KCTD1: variants seen among roughly 807,000 people sequenced by gnomAD.
KCTD1 encodes the protein BTB/POZ domain-containing protein KCTD1.
In KCTD1, 24 loss-of-function variants were observed where a neutral mutation model predicts 66.0. That is an observed-to-expected ratio of 0.36 (90% CI 0.26 to 0.51). KCTD1 has a LOEUF of 0.51. Among genes scored for constraint, KCTD1 ranks in the 20% least tolerant of loss-of-function variants. The pLI is 0.95. For synonymous variants in KCTD1, 511 were observed against 517.2 expected, an observed-to-expected ratio of 0.99 and a Z score of 0.16; for missense variants, 943 against 1,205.2, an observed-to-expected ratio of 0.78 and a Z score of 3.22.
intron 1 of KCTD1, among the ~76,000 whole-genome samples, chr18:26,576,530 A>C (rs1313900734): frequency 6.6e-6 from 1 of 152,224 alleles, no homozygotes; most frequent in Non-Finnish European, 1.5e-5. Context: ...CAAGAGTTAT[A>C]CATGTTCCTA....
At chr18:26,572,442 G>A (rs1437242791) in intron 1 of KCTD1, among the ~76,000 whole-genome samples, 3 of 148,128 alleles carry the variant, frequency 2.0e-5, no homozygotes, top group African/African-American at 5.3e-5. Flanking sequence ...AAAGTGAAAA[G>A]TCACAGGCAT....
chr18:26,582,105 CAA>C (rs34695011), intron 1 of KCTD1, among the ~76,000 whole-genome samples: 4,647 of 134,754 alleles, frequency 0.034, 119 homozygotes, highest in African/African-American at 0.08. Context: ...CTGTCTCTAC[CAA>C]AAAAAAAAAA....
chr18:26,652,195 C>A (rs1281561006), intron 1 of KCTD1, among the ~76,000 whole-genome samples: 1 of 152,144 alleles, frequency 6.6e-6, no homozygotes, highest in East Asian at 1.9e-4. Flanking sequence ...GTTGGACATA[C>A]TCTTATTTTT....
Position 26,608,397 on chromosome 18 carries a change from G to A in KCTD1, c.-16+20750C>T, listed in dbSNP as rs563982244. ...GGTTTTTCAGTTCTTTAGTTCAACC[G>A]ATTCACCTAGAGCTTCATTTGTTAT... On this transcript the variant is annotated intron_variant, in intron 1 of 4. Coordinates refer to the KCTD1 transcript ENST00000317932. Among the ~76,000 whole-genome samples the A allele has an allele frequency of 7.2e-5, 11 of 152,308 alleles. No individual in the cohort carries two copies. In the South Asian group the frequency reaches 1.9e-3, roughly 26 times the overall value.
intron 1 of KCTD1, among the ~76,000 whole-genome samples, chr18:26,600,740 G>C (rs1451886299): frequency 2.0e-5 from 3 of 151,700 alleles, no homozygotes; most frequent in Non-Finnish European, 4.4e-5. Context: ...GCTGCCACCT[G>C]CTTGTCTTTC....
intron 3 of KCTD1, among the ~76,000 whole-genome samples, chr18:26,470,666 C>G (rs151003415): frequency 1.3e-5 from 2 of 152,242 alleles, no homozygotes; most frequent in Non-Finnish European, 2.9e-5. Flanking sequence ...TTCCCACTCT[C>G]GTAGCTGGAA....
At position 26,547,928 on chromosome 18, in the gene KCTD1, C is replaced by T. The variant is rs1408761461; in HGVS notation, c.609G>A (p.Ala203=). Reference sequence around the variant, plus strand: ...AGAAGGAGCGCAGCACGCGGCACAGCGCCCCCTTGTCCATGGTCTCGAAGT... The same window carrying T: ...AGAAGGAGCGCAGCACGCGGCACAGTGCCCCCTTGTCCATGGTCTCGAAGT... The part of the protein sequence containing the change: ...SPDFETMDKG[A]LCRVLRSFYA... Residue 203 remains alanine (A), a synonymous_variant, in exon 1 of 5, where the codon GCG becomes GCA. Transcript: ENST00000580059. 1.3e-6 allele frequency: 2 copies of T among 1,543,618 alleles called. No individual in the cohort carries two copies. The highest frequency in any genetic ancestry group is 1.7e-6 in the Non-Finnish European group (2 of 1,146,808).
intron 1 of KCTD1, among the ~76,000 whole-genome samples, chr18:26,511,923 T>C (rs2144715953): frequency 6.6e-6 from 1 of 152,272 alleles, no homozygotes; most frequent in Non-Finnish European, 1.5e-5. Flanking sequence ...CACAGAGAAT[T>C]GGCACTTTAT....
chr18:26,512,673 A>C (rs1469657839), intron 1 of KCTD1, among the ~76,000 whole-genome samples: 1 of 152,156 alleles, frequency 6.6e-6, no homozygotes, highest in African/African-American at 2.4e-5. Flanking sequence ...TGATGACAAG[A>C]GACTCCATGT....
intron 3 of KCTD1, among the ~76,000 whole-genome samples, chr18:26,461,415 A>G (rs989968935): frequency 6.6e-6 from 1 of 152,210 alleles, no homozygotes; most frequent in Non-Finnish European, 1.5e-5. Context: ...TCCCTGCAGG[A>G]AAGGAGCCCA....
intron 1 of KCTD1, among the ~76,000 whole-genome samples, chr18:26,596,108 T>A (rs1487191381): frequency 6.6e-6 from 1 of 152,150 alleles, no homozygotes; most frequent in Non-Finnish European, 1.5e-5. Context: ...ATGGACTGAA[T>A]GTTTGTATCC....
At chr18:26,472,682 G>A (rs1184451859) in intron 3 of KCTD1, among the ~76,000 whole-genome samples, 1 of 152,166 alleles carries the variant, frequency 6.6e-6, no homozygotes, top group Non-Finnish European at 1.5e-5. Context: ...ACTGGGGAGC[G>A]CCCGACGTTG....
intron 1 of KCTD1, among the ~76,000 whole-genome samples, chr18:26,601,766 T>A (rs1986904899): frequency 6.6e-6 from 1 of 152,258 alleles, no homozygotes; most frequent in Non-Finnish European, 1.5e-5. Flanking sequence ...TTGCTGCAAT[T>A]ATAAATGGAA....
At chr18:26,615,196 C>T (rs967731610) in intron 1 of KCTD1, among the ~76,000 whole-genome samples, 2 of 152,156 alleles carry the variant, frequency 1.3e-5, no homozygotes, top group Non-Finnish European at 2.9e-5. Flanking sequence ...CCCACCCCAT[C>T]CAACTCAGCC....
chr18:26,455,939 G>A (rs769409621), intron 4 of KCTD1, 38 bp from the exon 5 acceptor site: 20 of 1,598,862 alleles, frequency 1.3e-5, no homozygotes, highest in Non-Finnish European at 1.6e-5. Flanking sequence ...TTAGGGGTGA[G>A]GTAAGTCCTA....
At chr18:26,529,679 T>A (rs960572342) in intron 1 of KCTD1, among the ~76,000 whole-genome samples, 1 of 152,242 alleles carries the variant, frequency 6.6e-6, no homozygotes, top group African/African-American at 2.4e-5. Flanking sequence ...GACCACATTC[T>A]TTACATTTAA....
chr18:26,548,248 T>C lies in KCTD1; in HGVS notation c.289A>G (p.Met97Val). Residue 97 changes from methionine to valine, a missense_variant, in exon 1 of 5, where the codon ATG becomes GTG. Coordinates refer to ENST00000580059, the MANE Select transcript of KCTD1 (RefSeq NM_001142730.3). ...AGGGGCTCGTCCCAGTCCAGCCCCATCTCCTCCTCTTCCTCCTCCTCCTCG... is the reference window on the plus strand; with the variant it reads ...AGGGGCTCGTCCCAGTCCAGCCCCACCTCCTCCTCTTCCTCCTCCTCCTCG... ...EDEEEEEEEE[M>V]GLDWDEPLEP... is the part of the protein sequence containing the mutation. 2.0e-6 allele frequency: 3 copies of C among 1,511,782 alleles called. No individual in the cohort carries two copies. Among genetic ancestry groups the C allele is most frequent in the Non-Finnish European group, 2.6e-6 (3 of 1,133,970 alleles). 93.6% of individuals were successfully genotyped at this position (1,511,782 alleles called of 1,614,324 possible). A position where few individuals can be genotyped will look rare whatever the true frequency, so the allele number is the denominator to read the frequency against.
At chr18:26,498,732 G>A (rs1982606535) in intron 2 of KCTD1, among the ~76,000 whole-genome samples, 1 of 151,994 alleles carries the variant, frequency 6.6e-6, no homozygotes, top group African/African-American at 2.4e-5. Flanking sequence ...ATAAAGTGAT[G>A]AGATCCATGG....
chr18:26,603,716 C>T (rs959247661), intron 1 of KCTD1, among the ~76,000 whole-genome samples: 14 of 150,534 alleles, frequency 9.3e-5, no homozygotes, highest in African/African-American at 2.9e-4. Context: ...GCACTCCAGG[C>T]TGAATGACAG....
Sources: gnomAD v4.1 joint callset for allele counts (sites outside exome capture counted in the v4.1 genomes callset) on GRCh38, gnomAD v4.1.1 for gene constraint, MANE v1.5 for transcripts, NCBI Gene and HGNC (gene_info 2026-07-23, HGNC 2026-07-21) for gene names.